The following SLC22A23 variants were observed in gnomAD, a reference collection of about 807,000 sequenced individuals.
The protein encoded by SLC22A23 is solute carrier family 22 member 23.
Under a neutral mutation model 61.0 loss-of-function variants are expected in SLC22A23, and 26 were observed. The observed-to-expected ratio is 0.43, with a 90% CI of 0.31 to 0.59. The LOEUF is 0.59. Ranked by LOEUF, SLC22A23 falls within the 20% of genes least tolerant of loss-of-function variation. The probability of loss-of-function intolerance (pLI) is 0.11; values close to 1 mark genes in which losing one functional copy is unlikely to be tolerated. For synonymous variants in SLC22A23, 430 were observed against 413.9 expected, an observed-to-expected ratio of 1.04 and a Z score of -0.47; for missense variants, 796 against 934.7, an observed-to-expected ratio of 0.85 and a Z score of 1.94.
At chr6:3,438,595 C>T (rs1048724198) in intron 1 of SLC22A23, 3 of 442,738 alleles carry the variant, frequency 6.8e-6, no homozygotes, top group African/African-American at 6.1e-5. Flanking sequence ...ATGGAAAAGG[C>T]TAGTTTGAAT....
At chr6:3,423,415 C>G (rs1221755476) in intron 1 of SLC22A23, among the ~76,000 whole-genome samples, 1 of 152,156 alleles carries the variant, frequency 6.6e-6, no homozygotes, top group Non-Finnish European at 1.5e-5. Context: ...TTTGGGGAAG[C>G]TGAATAGATA....
At chr6:3,391,687 C>T (rs942201762) in intron 3 of SLC22A23, among the ~76,000 whole-genome samples, 2 of 151,972 alleles carry the variant, frequency 1.3e-5, no homozygotes, top group Non-Finnish European at 2.9e-5. Context: ...GAGTGGTATG[C>T]GGAGATACAA....
intron 3 of SLC22A23, among the ~76,000 whole-genome samples, chr6:3,397,019 C>G (rs375294808): frequency 6.6e-6 from 1 of 152,166 alleles, no homozygotes; most frequent in African/African-American, 2.4e-5. Flanking sequence ...CGCACGCCCA[C>G]CGGGGCTTCA....
chr6:3,341,727 G>A (rs768555206), intron 3 of SLC22A23, among the ~76,000 whole-genome samples: 3 of 149,216 alleles, frequency 2.0e-5, no homozygotes, highest in Admixed American at 1.4e-4. Flanking sequence ...GAAACCACAC[G>A]CACAATTCAT....
At chr6:3,306,025 G>A (rs918636248) in intron 4 of SLC22A23, among the ~76,000 whole-genome samples, 1 of 152,182 alleles carries the variant, frequency 6.6e-6, no homozygotes, top group Non-Finnish European at 1.5e-5. Flanking sequence ...TCACAGTTCT[G>A]CAGGCTATAC....
intron 1 of SLC22A23, among the ~76,000 whole-genome samples, chr6:3,437,385 A>G (rs1771284458): frequency 6.6e-6 from 1 of 152,158 alleles, no homozygotes; most frequent in Non-Finnish European, 1.5e-5. Context: ...TTCTTTTAAA[A>G]TGAAATAATA....
Position 3,273,214 on chromosome 6 carries a change from C to T in SLC22A23, c.1902G>A (p.Glu634=), listed in dbSNP as rs759545002. 10 of 1,613,064 alleles carry T rather than the reference C, an allele frequency of 6.2e-6. No individual in the cohort carries two copies. Among genetic ancestry groups the T allele is most frequent in the Middle Eastern group, 1.6e-4 (1 of 6,082 alleles). ...QNLPENISNG[E]HYTRQPLLPH... is the part of the protein sequence containing the mutation. Reference sequence around the variant, plus strand: ...GCAGCAGCGGCTGGCGCGTGTAGTGCTCCCCGTTAGAAATGTTCTCAGGCA... The same window carrying T: ...GCAGCAGCGGCTGGCGCGTGTAGTGTTCCCCGTTAGAAATGTTCTCAGGCA... The change falls in exon 10 of 10, where the codon GAG becomes GAA. Residue 634 remains glutamate (E), a synonymous_variant. Transcript: ENST00000406686.
Position 3,410,287 on chromosome 6 carries a change from G to T in SLC22A23, c.814C>A (p.Leu272Met). ...FSIIFILIFGLTVALSVNVTM... is the reference protein window; with the variant it reads ...FSIIFILIFGMTVALSVNVTM... Reference sequence around the variant, plus strand: ...ACATTCACTGACAGTGCCACAGTCAGTCCAAAGATCAGAATGAAGATGATG... The same window carrying T: ...ACATTCACTGACAGTGCCACAGTCATTCCAAAGATCAGAATGAAGATGATG... The change falls in exon 3 of 10, where the codon CTG (leucine) becomes ATG (methionine). Residue 272 changes from leucine to methionine, a missense_variant. Coordinates refer to ENST00000406686, the MANE Select transcript of SLC22A23 (RefSeq NM_015482.2). This position sits in a 1 kb window ranked among gnomAD's most constrained non-coding sequence, Gnocchi z 5.0. 1.2e-6 allele frequency: 2 copies of T among 1,613,774 alleles called. No homozygotes were observed. The highest frequency in any genetic ancestry group is 1.7e-6 in the Non-Finnish European group (2 of 1,179,880).
chr6:3,406,937 T>C (rs1768879962), intron 3 of SLC22A23, among the ~76,000 whole-genome samples: 1 of 151,658 alleles, frequency 6.6e-6, no homozygotes, highest in Non-Finnish European at 1.5e-5. Context: ...TTTCTCAAAA[T>C]GAAGAGTCCA....
At chr6:3,395,969 C>A (rs1767976810) in intron 3 of SLC22A23, among the ~76,000 whole-genome samples, 1 of 152,152 alleles carries the variant, frequency 6.6e-6, no homozygotes, top group African/African-American at 2.4e-5. Flanking sequence ...CATGCAAATT[C>A]CTTACAAGAT....
chr6:3,304,624 A>C lies in SLC22A23; in HGVS notation c.1083-6406T>G, dbSNP rs757118242. Among the ~76,000 whole-genome samples the C allele has an allele frequency of 1.4e-4, 21 of 150,888 alleles. No homozygotes were observed. Among genetic ancestry groups the C allele is most frequent in the Non-Finnish European group, 2.8e-4 (19 of 67,232 alleles). The stretch of plus-strand genomic sequence containing the variant: ...CTGAGCGAGTTGGATAGAAGCCCGC[A>C]TGGCGTGGGTTGTAGTGGGGGCAGT... On this transcript the variant is annotated intron_variant, in intron 4 of 9. Transcript: ENST00000406686. This position sits in a 1 kb window ranked among gnomAD's most constrained non-coding sequence, Gnocchi z 4.3.
In SLC22A23 at chr6:3,390,550, T is replaced by G. The variant is rs1421544922; in HGVS notation, c.913+19638A>C. Among the ~76,000 whole-genome samples, 1 of 152,200 alleles carries G rather than the reference T, an allele frequency of 6.6e-6. No homozygotes were observed. The highest frequency in any genetic ancestry group is 2.4e-5 in the African/African-American group (1 of 41,442). ...GTGAACTCTAGTGCTCCCCGGGGCC[T>G]AGAGTTCTGAGGTACACTTCGGGTT... On this transcript the variant is annotated intron_variant, in intron 3 of 9. Transcript: ENST00000406686. The surrounding 1 kb of genome is among the most constrained non-coding windows in gnomAD (Gnocchi z 4.0).
chr6:3,456,262 C>A lies in SLC22A23; in HGVS notation c.298G>T (p.Val100Leu), dbSNP rs1292674096. The change falls in exon 1 of 10, where the codon GTG becomes TTG. Residue 100 changes from valine to leucine, a missense_variant. Transcript: ENST00000406686. The surrounding 1 kb of genome is among the most constrained non-coding windows in gnomAD (Gnocchi z 7.1). ...GLGGGYQKTL[V>L]LLTWIPALFI... ...AGCGCCGGGATCCAGGTGAGCAGCA[C>A]GAGGGTCTTCTGATAGCCCCCGCCC... is the stretch of plus-strand genomic sequence containing the variant. The A allele has an allele frequency of 1.9e-6, 3 of 1,551,226 alleles. No homozygotes were observed. The East Asian group carries it at 7.3e-5, about 38-fold the overall frequency.
intron 3 of SLC22A23, among the ~76,000 whole-genome samples, chr6:3,402,571 C>T (rs986694183): frequency 6.6e-6 from 1 of 152,010 alleles, no homozygotes; most frequent in African/African-American, 2.4e-5. Context: ...TCCACACTAC[C>T]CAGAGTGCAC....
intron 3 of SLC22A23, among the ~76,000 whole-genome samples, chr6:3,335,966 G>A (rs1308236482): frequency 2.0e-5 from 3 of 152,098 alleles, no homozygotes; most frequent in African/African-American, 7.2e-5. Flanking sequence ...GCGGGCGCCT[G>A]TAGTCCCAGT....
At chr6:3,358,096 T>C (rs568581277) in intron 3 of SLC22A23, among the ~76,000 whole-genome samples, 6 of 152,096 alleles carry the variant, frequency 3.9e-5, no homozygotes, top group Non-Finnish European at 5.9e-5. Context: ...TGGAGAGAAA[T>C]TGGAACCTTT....
intron 4 of SLC22A23, chr6:3,323,389 G>A (rs1763079987): frequency 2.2e-6 from 1 of 457,398 alleles, no homozygotes; most frequent in African/African-American, 2.0e-5. Flanking sequence ...TGGGCCTGAT[G>A]TGGCCCACAG....
At chr6:3,431,421 G>C (rs562893693) in intron 1 of SLC22A23, among the ~76,000 whole-genome samples, 1 of 152,350 alleles carries the variant, frequency 6.6e-6, no homozygotes, top group South Asian at 2.1e-4. Context: ...AAGGGAGAAA[G>C]GGAGGGAGGG....
intron 6 of SLC22A23, among the ~76,000 whole-genome samples, chr6:3,287,900 G>A (rs1221961388): frequency 6.6e-6 from 1 of 152,112 alleles, no homozygotes; most frequent in Non-Finnish European, 1.5e-5. Context: ...GGACAGGCTG[G>A]CCTCGAACTC....
Sources: allele counts gnomAD v4.1 joint callset (sites outside exome capture counted in the v4.1 genomes callset), GRCh38; gene constraint gnomAD v4.1.1; non-coding constraint Gnocchi (gnomAD v3.1); transcripts MANE v1.5; gene names NCBI Gene and HGNC (gene_info 2026-07-23, HGNC 2026-07-21).